The following CLDN14 variants were observed in gnomAD, a reference collection of about 807,000 sequenced individuals.
CLDN14 encodes the protein claudin 14, also known as claudin-14.
A neutral mutation model predicts 2.1 loss-of-function variants in CLDN14; 2 were observed. The ratio of observed to expected loss-of-function variants is 0.96; its 90% CI spans 0.39 to 3.01. CLDN14 has a LOEUF of 3.01. Among genes scored for constraint, CLDN14 ranks in the 30% most tolerant of loss-of-function variants. The probability of loss-of-function intolerance (pLI) is 0.09; values close to 1 mark genes in which losing one functional copy is unlikely to be tolerated. For missense variants in CLDN14, 298 were observed against 328.0 expected, an observed-to-expected ratio of 0.91 and a Z score of 0.71; for synonymous variants, 136 against 154.4, an observed-to-expected ratio of 0.88 and a Z score of 0.88.
intron 1 of CLDN14, among the ~76,000 whole-genome samples, chr21:36,475,253 A>G (rs900173510): frequency 6.6e-6 from 1 of 152,176 alleles, no homozygotes; most frequent in African/African-American, 2.4e-5. Flanking sequence ...CAGCCAAGGG[A>G]AATATGCGTG....
intron 1 of CLDN14, among the ~76,000 whole-genome samples, chr21:36,519,185 T>C (rs2087250499): frequency 6.6e-6 from 1 of 152,268 alleles, no homozygotes; most frequent in South Asian, 2.1e-4. Context: ...GACTCTTGTC[T>C]TTTTAATCAT....
At chr21:36,483,885 G>C (rs1022755681), upstream of CLDN14, among the ~76,000 whole-genome samples, 1 of 152,124 alleles carries the variant, frequency 6.6e-6, no homozygotes, top group Non-Finnish European at 1.5e-5. Flanking sequence ...GGTGATATAG[G>C]CAGGAAAAGA....
chr21:36,493,620 G>T (rs1301269602), intron 2 of CLDN14, among the ~76,000 whole-genome samples: 1 of 152,036 alleles, frequency 6.6e-6, no homozygotes, highest in African/African-American at 2.4e-5. Flanking sequence ...GAGGAGGAGG[G>T]AAGGCGAGGA....
intron 1 of CLDN14, among the ~76,000 whole-genome samples, chr21:36,572,110 G>A (rs976998980): frequency 2.0e-5 from 3 of 152,152 alleles, no homozygotes; most frequent in African/African-American, 4.8e-5. Flanking sequence ...AATCTGTAGC[G>A]TACAGGGGAA....
At chr21:36,524,635 G>A (rs903681354) in intron 1 of CLDN14, among the ~76,000 whole-genome samples, 4 of 152,186 alleles carry the variant, frequency 2.6e-5, no homozygotes, top group East Asian at 1.9e-4. Flanking sequence ...AGGCAGGATC[G>A]TATACCTACA....
rs1182191519 is a variant in CLDN14, at chr21:36,551,485, TGGGC to T, written c.-220+24922_-220+24925del. Among the ~76,000 whole-genome samples the T allele has an allele frequency of 6.6e-6, 1 of 152,188 alleles. No individual in the cohort carries two copies. Among genetic ancestry groups the T allele is most frequent in the East Asian group, 1.9e-4 (1 of 5,194 alleles). On this transcript the variant is annotated intron_variant, in intron 1 of 2. Coordinates refer to the CLDN14 transcript ENST00000342108. This position sits in a 1 kb window ranked among gnomAD's most constrained non-coding sequence, Gnocchi z 4.8. ...CTGAGCATCATTTTGTCCATGGCTTTGGGCAGGGTGGCTGGCACAGGGTAGGGGT... is the reference window on the plus strand; with the variant it reads ...CTGAGCATCATTTTGTCCATGGCTTTAGGGTGGCTGGCACAGGGTAGGGGT...
At chr21:36,488,271 T>C (rs186657668) in intron 2 of CLDN14, among the ~76,000 whole-genome samples, 38 of 149,600 alleles carry the variant, frequency 2.5e-4, no homozygotes, top group African/African-American at 9.1e-4. Flanking sequence ...CCTTCCTTCC[T>C]TCCCTCTCTC....
intron 1 of CLDN14, among the ~76,000 whole-genome samples, chr21:36,520,640 C>G (rs1336684568): frequency 6.6e-6 from 1 of 152,154 alleles, no homozygotes; most frequent in Non-Finnish European, 1.5e-5. Flanking sequence ...ATAAATTACC[C>G]AGTCTTGGGT....
chr21:36,486,052 A>G (rs769121919), intron 2 of CLDN14: 1 of 1,423,200 alleles, frequency 7.0e-7, no homozygotes, highest in Non-Finnish European at 9.9e-7. Context: ...GGGAGCCCAC[A>G]GCGTTTCAAA....
chr21:36,488,961 T>C (rs1458602911), intron 2 of CLDN14, among the ~76,000 whole-genome samples: 1 of 150,954 alleles, frequency 6.6e-6, no homozygotes, highest in Non-Finnish European at 1.5e-5. Context: ...AATACAAAAA[T>C]TAGCTGGGTG....
intron 2 of CLDN14, chr21:36,487,097 G>C (rs1046456670): frequency 3.8e-5 from 8 of 212,762 alleles, no homozygotes; most frequent in African/African-American, 1.7e-4. Flanking sequence ...GGATTCTCCT[G>C]TCTCAGCCTC....
At chr21:36,539,417 CTGTG>C (rs779491445) in intron 1 of CLDN14, among the ~76,000 whole-genome samples, 1 of 69,066 alleles carries the variant, frequency 1.4e-5, no homozygotes, top group African/African-American at 5.5e-5. Flanking sequence ...TGTGGAGTGA[CTGTG>C]GAGTGTGTGT....
At chr21:36,492,061 T>C (rs966476604) in intron 2 of CLDN14, among the ~76,000 whole-genome samples, 2 of 152,078 alleles carry the variant, frequency 1.3e-5, no homozygotes, top group Non-Finnish European at 2.9e-5. Flanking sequence ...CCCAGCACTT[T>C]GGGAGCTTGA....
At chr21:36,539,949 T>C (rs904333537) in intron 1 of CLDN14, among the ~76,000 whole-genome samples, 4 of 151,596 alleles carry the variant, frequency 2.6e-5, no homozygotes, top group Admixed American at 2.6e-4. Flanking sequence ...AGTGAGTGTA[T>C]GTGTAGCATG....
chr21:36,506,940 A>G lies in CLDN14; in HGVS notation c.-82+3423T>C, dbSNP rs527401539. 3.3e-5 allele frequency among the ~76,000 whole-genome samples: 5 copies of G among 151,934 alleles called. No individual in the cohort carries two copies. The East Asian group carries it at 9.7e-4, about 29-fold the overall frequency. On this transcript the variant is annotated intron_variant, in intron 2 of 2. Transcript: ENST00000342108. ...TTGAGACCAGCCTGGGCAACACAGC[A>G]AGACCCTGTCTCTAAAAAAATGAAA...
chr21:36,514,201 A>T (rs908010130), intron 1 of CLDN14, among the ~76,000 whole-genome samples: 3 of 152,062 alleles, frequency 2.0e-5, no homozygotes, highest in Non-Finnish European at 4.4e-5. Context: ...GAGACAAAAG[A>T]CCCATCACAG....
At chr21:36,475,032 A>G (rs2086759551) in intron 1 of CLDN14, among the ~76,000 whole-genome samples, 1 of 152,206 alleles carries the variant, frequency 6.6e-6, no homozygotes, top group South Asian at 2.1e-4. Context: ...ATGGTCATCC[A>G]GGAGAATGAC....
intron 1 of CLDN14, among the ~76,000 whole-genome samples, chr21:36,470,756 T>G (rs1298537768): frequency 6.6e-6 from 1 of 152,052 alleles, no homozygotes; most frequent in African/African-American, 2.4e-5. Context: ...GGAGGATCAC[T>G]TGAGCTGAGG....
intron 1 of CLDN14, among the ~76,000 whole-genome samples, chr21:36,523,369 A>C (rs1211329080): frequency 6.6e-6 from 1 of 152,178 alleles, no homozygotes; most frequent in African/African-American, 2.4e-5. Context: ...GTGTTCCCCC[A>C]AACTTTTGCA....
Sources: allele counts gnomAD v4.1 joint callset (sites outside exome capture counted in the v4.1 genomes callset), GRCh38; gene constraint gnomAD v4.1.1; non-coding constraint Gnocchi (gnomAD v3.1); transcripts MANE v1.5; gene names NCBI Gene and HGNC (gene_info 2026-07-23, HGNC 2026-07-21).